Variants in KATNAL2 observed in about 807,000 individuals in gnomAD.
KATNAL2 encodes the protein katanin catalytic subunit A1 like 2, also known as katanin p60 ATPase-containing subunit A-like 2.
Under a neutral mutation model 76.3 loss-of-function variants are expected in KATNAL2, and 52 were observed. The ratio of observed to expected loss-of-function variants is 0.68; its 90% confidence interval spans 0.55 to 0.86. KATNAL2 has a LOEUF of 0.86. KATNAL2 is among the 40% of genes least tolerant of loss of function. The pLI, the probability that KATNAL2 is intolerant of heterozygous loss-of-function variation, is 0.00. For missense variants in KATNAL2, 660 were observed against 668.9 expected (o/e 0.99, Z 0.15); for synonymous variants, 243 against 244.2 (o/e 1.00, Z 0.05).
chr18:47,051,895 T>C (rs1416120185), intron 4 of KATNAL2, among the ~76,000 whole-genome samples: 1 of 152,086 alleles, frequency 6.6e-6, no homozygotes, highest in East Asian at 1.9e-4. Context: ...GGAGACCTTG[T>C]CTGAAAGAAA....
rs752534768 is a variant in KATNAL2, at chr18:47,077,300, T to C, written c.1101-51T>C. Reference sequence around the variant, plus strand: ...ATTGCTGTGAATGCTGCTCTTGTCATGAGGGCGAAGGCTCTGACACTTAGG... The same window carrying C: ...ATTGCTGTGAATGCTGCTCTTGTCACGAGGGCGAAGGCTCTGACACTTAGG... On this transcript the variant is annotated intron_variant, in intron 14 of 17. Transcript: ENST00000683218. 18 of 1,376,954 alleles carry C rather than the reference T, an allele frequency of 1.3e-5. No individual in the cohort carries two copies. In the Admixed American group the frequency reaches 2.0e-4, roughly 15 times the overall value. The allele number at this position is 1,376,954 out of a possible 1,614,324, so 85.3% of individuals were successfully genotyped here. A position where few individuals can be genotyped will look rare whatever the true frequency, so the allele number is the denominator to read the frequency against.
chr18:46,953,534 G>T (rs566732866), intron 3 of KATNAL2, among the ~76,000 whole-genome samples: 5 of 152,246 alleles, frequency 3.3e-5, no homozygotes, highest in African/African-American at 7.2e-5. Flanking sequence ...GGTGGGAGGG[G>T]TGCTTAAGTC....
intron 3 of KATNAL2, among the ~76,000 whole-genome samples, chr18:47,042,361 T>A (rs1278666606): frequency 6.6e-6 from 1 of 152,182 alleles, no homozygotes; most frequent in East Asian, 1.9e-4. Flanking sequence ...GGTTGCCTTA[T>A]TTGTTGTGTT....
At chr18:47,084,435 T>A (rs1249332716) in intron 15 of KATNAL2, 1 of 702,550 alleles carries the variant, frequency 1.4e-6, no homozygotes, top group Admixed American at 2.0e-5. Context: ...AAAAGCAGTC[T>A]GCCACAGGTC....
chr18:47,071,636 A>G (rs1283408979), intron 13 of KATNAL2, among the ~76,000 whole-genome samples: 1 of 152,164 alleles, frequency 6.6e-6, no homozygotes, highest in Non-Finnish European at 1.5e-5. Context: ...AGACACTGCT[A>G]GGTACACGAA....
intron 3 of KATNAL2, among the ~76,000 whole-genome samples, chr18:47,043,943 T>C (rs2061061992): frequency 6.6e-6 from 1 of 152,082 alleles, no homozygotes; most frequent in South Asian, 2.1e-4. Flanking sequence ...TAGGGAAGGA[T>C]AGTTTGAAAA....
At chr18:47,062,204 G>A (rs951401625) in intron 8 of KATNAL2, among the ~76,000 whole-genome samples, 1 of 151,998 alleles carries the variant, frequency 6.6e-6, no homozygotes, top group African/African-American at 2.4e-5. Context: ...AACATAAAGA[G>A]ACCCCACTTC....
chr18:47,073,438 T>C (rs1432940926), intron 13 of KATNAL2, among the ~76,000 whole-genome samples: 1 of 152,198 alleles, frequency 6.6e-6, no homozygotes, highest in Non-Finnish European at 1.5e-5. Context: ...TTTCAGAAAT[T>C]ACATCATTTT....
intron 15 of KATNAL2, among the ~76,000 whole-genome samples, chr18:47,085,950 A>G (rs2062753967): frequency 6.6e-6 from 1 of 152,038 alleles, no homozygotes; most frequent in Non-Finnish European, 1.5e-5. Context: ...AAAATCAGCC[A>G]GGCGTGGTGG....
chr18:46,949,640 C>T (rs11660085), intron 3 of KATNAL2, among the ~76,000 whole-genome samples: 68,520 of 152,142 alleles, frequency 0.45, 15,526 homozygotes, highest in Middle Eastern at 0.54. Flanking sequence ...ACCATTCATC[C>T]GATTGCTCAA....
chr18:47,068,828 G>A (rs117786517), intron 11 of KATNAL2, among the ~76,000 whole-genome samples: 29 of 152,304 alleles, frequency 1.9e-4, no homozygotes, highest in Non-Finnish European at 1.8e-4. Flanking sequence ...ATTGGTTCTA[G>A]TATGTATTTT....
chr18:47,057,412 G>A (rs1380084280), intron 6 of KATNAL2, among the ~76,000 whole-genome samples: 2 of 152,086 alleles, frequency 1.3e-5, no homozygotes, highest in Non-Finnish European at 2.9e-5. Context: ...AGGATGTAGT[G>A]AAAAAAGTGA....
chr18:47,032,170 A>T (rs904623274), intron 3 of KATNAL2, among the ~76,000 whole-genome samples: 1 of 152,346 alleles, frequency 6.6e-6, no homozygotes, highest in South Asian at 2.1e-4. Flanking sequence ...TGTGTTACTT[A>T]GGGAAACTAT....
At chr18:46,937,322 A>C (rs1599364909) in intron 1 of KATNAL2, among the ~76,000 whole-genome samples, 1 of 152,266 alleles carries the variant, frequency 6.6e-6, no homozygotes, top group East Asian at 1.9e-4. Flanking sequence ...AGTCAGAGAA[A>C]CTGTCACAGC....
At chr18:47,032,899 AG>A (rs1476106106) in intron 3 of KATNAL2, 2 of 1,596,764 alleles carry the variant, frequency 1.3e-6, no homozygotes, top group Admixed American at 1.7e-5. Context: ...CTTTGCACCA[AG>A]TTAAAGGTTC....
At chr18:46,956,072 G>C (rs556393579) in intron 3 of KATNAL2, among the ~76,000 whole-genome samples, 1 of 152,126 alleles carries the variant, frequency 6.6e-6, no homozygotes, top group Non-Finnish European at 1.5e-5. Context: ...TTTTAAAATT[G>C]ATTTCAAGCT....
At chr18:46,955,211 CTCTG>C (rs1365139834) in intron 3 of KATNAL2, among the ~76,000 whole-genome samples, 54 of 126,254 alleles carry the variant, frequency 4.3e-4, no homozygotes, top group African/African-American at 1.2e-3. Context: ...TTCTCTCTCT[CTCTG>C]TCTTTCTTTT....
intron 1 of KATNAL2, among the ~76,000 whole-genome samples, chr18:46,931,920 CT>C (rs869157451): frequency 3.9e-4 from 57 of 144,474 alleles, no homozygotes; most frequent in Middle Eastern, 7.0e-3. Context: ...CTTTTCTTTT[CT>C]TTTTTTTTTT....
At chr18:47,094,564 C>T (rs2063145899) in intron 15 of KATNAL2, among the ~76,000 whole-genome samples, 1 of 152,176 alleles carries the variant, frequency 6.6e-6, no homozygotes, top group Non-Finnish European at 1.5e-5. Flanking sequence ...ATTAACAAAA[C>T]CCACAGGAAG....
Sources: allele counts gnomAD v4.1 joint callset (sites outside exome capture counted in the v4.1 genomes callset), GRCh38; gene constraint gnomAD v4.1.1; transcripts MANE v1.5; gene names NCBI Gene and HGNC (gene_info 2026-07-23, HGNC 2026-07-21).